The following MTCL1 variants were observed in gnomAD, a reference collection of about 807,000 sequenced individuals.
MTCL1 encodes the protein microtubule cross-linking factor 1.
In MTCL1, 79 loss-of-function variants were observed where a neutral mutation model predicts 141.4. That is an observed-to-expected ratio of 0.56 (90% CI 0.47 to 0.67). The LOEUF (loss-of-function observed/expected upper bound fraction) is 0.67, where lower values mean the gene tolerates loss of function less well. Ranked by LOEUF, MTCL1 falls within the 30% of genes least tolerant of loss-of-function variation. The pLI is 0.00. For synonymous variants in MTCL1, 914 were observed against 875.8 expected (o/e 1.04, Z -0.77); for missense variants, 2,177 against 2,113.9 (o/e 1.03, Z -0.59).
At chr18:8,796,131 C>A in intron 8 of MTCL1, 101 bp from the exon 8 acceptor site, 1 of 1,149,230 alleles carries the variant, frequency 8.7e-7, no homozygotes, top group Non-Finnish European at 1.3e-6. Flanking sequence ...TCATATGCAG[C>A]ATGACAGAGA....
At chr18:8,813,125 C>T in exon 12 of MTCL1, 2 of 1,614,192 alleles carry the variant, frequency 1.2e-6, no homozygotes, top group Non-Finnish European at 1.7e-6. Context: ...AGATCCATCA[C>T]AGCGAGAAGA....
chr18:8,706,118 C>G (rs890885357), exon 1 of MTCL1: 15 of 1,212,752 alleles, frequency 1.2e-5, no homozygotes, highest in Admixed American at 4.4e-5. Flanking sequence ...GCCGAGCCGC[C>G]GTCTGCCGCT....
chr18:8,731,053 G>T (rs1360748521), intron 4 of MTCL1, among the ~76,000 whole-genome samples: 2 of 151,718 alleles, frequency 1.3e-5, no homozygotes, highest in Non-Finnish European at 2.9e-5. Context: ...AGACCATCCT[G>T]GCTAACACGG....
At chr18:8,748,968 C>T (rs1312551120) in intron 4 of MTCL1, among the ~76,000 whole-genome samples, 1 of 152,142 alleles carries the variant, frequency 6.6e-6, no homozygotes. Flanking sequence ...ATGGGGTGTC[C>T]TCTGTTCACT....
intron 13 of MTCL1, 135 bp from the exon 13 acceptor site, chr18:8,821,332 C>G: frequency 1.7e-6 from 1 of 606,046 alleles, no homozygotes; most frequent in South Asian, 1.8e-5. Flanking sequence ...GCACTCCTAA[C>G]CAGAGCTTGG....
chr18:8,715,693 T>C (rs1436619377), upstream of MTCL1, among the ~76,000 whole-genome samples: 2 of 152,222 alleles, frequency 1.3e-5, no homozygotes, highest in Non-Finnish European at 2.9e-5. Flanking sequence ...CGTTGATTTT[T>C]GAAGATTCAG....
At chr18:8,798,520 T>A (rs2143925729) in intron 10 of MTCL1, among the ~76,000 whole-genome samples, 1 of 152,296 alleles carries the variant, frequency 6.6e-6, no homozygotes, top group East Asian at 1.9e-4. Flanking sequence ...AGTTGCCATA[T>A]AAATAAGGAC....
At chr18:8,819,334 C>G in intron 13 of MTCL1, 75 bp downstream of exon 12, 1 of 1,482,032 alleles carries the variant, frequency 6.7e-7, no homozygotes, top group Non-Finnish European at 9.2e-7. Context: ...GAGGCATCTG[C>G]CAGATTCCTC....
rs1220187127 is a variant in MTCL1 at position 8,725,776 on chromosome 18, C to CTTTTTTTTTTTTT, written c.357+5281_357+5293dup. 2.4e-3 allele frequency among the ~76,000 whole-genome samples: 264 copies of CTTTTTTTTTTTTT among 110,986 alleles called. 21 individuals are homozygous for CTTTTTTTTTTTTT. The highest frequency in any genetic ancestry group is 5.4e-3 in the African/African-American group (147 of 27,040). The allele number at this position is 110,986 out of a possible 152,430, so 72.8% of individuals were successfully genotyped here. A position where few individuals can be genotyped will look rare whatever the true frequency, so the allele number is the denominator to read the frequency against. On this transcript the variant is annotated intron_variant, in intron 4 of 16. Transcript: ENST00000359865. ...GCGTTATGTATTTTGGTGCCATTTT[C>CTTTTTTTTTTTTT]TTTTTTTTTTTTTCTTTTTTTTTTT...
At chr18:8,726,537 A>AAGAG (rs2096215967) in intron 4 of MTCL1, among the ~76,000 whole-genome samples, 2 of 94,444 alleles carry the variant, frequency 2.1e-5, no homozygotes, top group African/African-American at 1.0e-4. Context: ...GCGAGTGCGC[A>AAGAG]TGCGCGCGCG....
At chr18:8,717,546 AT>A (rs2096136905) in intron 1 of MTCL1, 3 of 152,384 alleles carry the variant, frequency 2.0e-5, no homozygotes, top group African/African-American at 7.2e-5. Flanking sequence ...TGATTTGCAC[AT>A]TAAAAGGATT....
chr18:8,727,419 A>G (rs561218472), intron 4 of MTCL1, among the ~76,000 whole-genome samples: 85 of 152,292 alleles, frequency 5.6e-4, no homozygotes, highest in African/African-American at 2.0e-3. Context: ...AACAGTGTAT[A>G]AGAGTTCCTT....
intron 4 of MTCL1, among the ~76,000 whole-genome samples, chr18:8,753,156 A>G (rs772763286): frequency 5.9e-5 from 9 of 152,350 alleles, no homozygotes; most frequent in Non-Finnish European, 8.8e-5. Flanking sequence ...ACCTGGACCC[A>G]GGGAAGCCCA....
chr18:8,818,722 A>G (rs981837537), intron 12 of MTCL1, among the ~76,000 whole-genome samples: 1 of 152,258 alleles, frequency 6.6e-6, no homozygotes, highest in African/African-American at 2.4e-5. Context: ...GAAAGAGTTC[A>G]CCATACTCGT....
At chr18:8,761,043 A>G (rs1218885087) in intron 4 of MTCL1, among the ~76,000 whole-genome samples, 1 of 152,202 alleles carries the variant, frequency 6.6e-6, no homozygotes, top group Non-Finnish European at 1.5e-5. Flanking sequence ...TGGAGAAAAA[A>G]CTTGCTAAAG....
chr18:8,797,119 T>G (rs1055375607), intron 9 of MTCL1, among the ~76,000 whole-genome samples: 4 of 152,204 alleles, frequency 2.6e-5, no homozygotes, highest in Non-Finnish European at 5.9e-5. Flanking sequence ...CCGTCTCCTT[T>G]GCTGCTCATT....
chr18:8,752,269 C>CTTTT (rs781419848), intron 4 of MTCL1, among the ~76,000 whole-genome samples: 1 of 152,232 alleles, frequency 6.6e-6, no homozygotes, highest in Non-Finnish European at 1.5e-5. Flanking sequence ...AATATTGTGA[C>CTTTT]TTTATAAAAA....
At chr18:8,725,661 C>T (rs1403284775) in intron 4 of MTCL1, among the ~76,000 whole-genome samples, 7 of 151,586 alleles carry the variant, frequency 4.6e-5, no homozygotes, top group East Asian at 3.9e-4. Context: ...CTCATTTGTT[C>T]GCTGTATTCA....
intron 4 of MTCL1, among the ~76,000 whole-genome samples, chr18:8,733,194 G>A (rs556468092): frequency 5.3e-5 from 8 of 152,220 alleles, no homozygotes; most frequent in Admixed American, 2.6e-4. Context: ...AGACCACCTC[G>A]GGGGCTGAGG....
Sources: gnomAD v4.1 joint callset for allele counts (sites outside exome capture counted in the v4.1 genomes callset) on GRCh38, gnomAD v4.1.1 for gene constraint, MANE v1.5 for transcripts, NCBI Gene and HGNC (gene_info 2026-07-23, HGNC 2026-07-21) for gene names.